The following SNTG1 variants were observed in gnomAD, a reference collection of about 807,000 sequenced individuals.
SNTG1 encodes the protein gamma-1-syntrophin.
A neutral mutation model predicts 74.7 loss-of-function variants in SNTG1; 39 were observed. The observed-to-expected ratio is 0.52, with a 90% confidence interval of 0.40 to 0.68. SNTG1 has a LOEUF of 0.68. Among genes scored for constraint, SNTG1 ranks in the 30% least tolerant of loss-of-function variants. SNTG1 has a pLI of 0.00. For missense variants in SNTG1, 685 were observed against 609.5 expected (o/e 1.12, Z -1.30); for synonymous variants, 254 against 217.1 (o/e 1.17, Z -1.49).
At chr8:50,022,109 G>A (rs1816877054) in intron 1 of SNTG1, among the ~76,000 whole-genome samples, 2 of 152,064 alleles carry the variant, frequency 1.3e-5, no homozygotes, top group South Asian at 4.1e-4. Context: ...CATTGGTATA[G>A]CAAGTATATG....
intron 11 of SNTG1, among the ~76,000 whole-genome samples, chr8:50,548,985 T>G (rs966017256): frequency 6.6e-6 from 1 of 152,124 alleles, no homozygotes; most frequent in Admixed American, 6.6e-5. Flanking sequence ...TTAACTGACT[T>G]GCAAGGACCT....
rs561234614 is a variant in SNTG1 at position 50,057,386 on chromosome 8, CT to C, written c.-102-115167del. Among the ~76,000 whole-genome samples, 421 of 152,056 alleles carry C rather than the reference CT, an allele frequency of 2.8e-3. 3 individuals carry two copies. Among genetic ancestry groups the C allele is most frequent in the African/African-American group, 9.7e-3 (403 of 41,478 alleles). The stretch of plus-strand genomic sequence containing the variant: ...AATGCCTTGGCTGAGCCTGTACATT[CT>C]TTTTTTTCTTCTTTAGAAGCTTTAC... On this transcript the variant is annotated intron_variant, in intron 1 of 18. Transcript: ENST00000642720.
At chr8:50,077,118 C>A (rs1443199055) in intron 1 of SNTG1, among the ~76,000 whole-genome samples, 1 of 152,146 alleles carries the variant, frequency 6.6e-6, no homozygotes, top group Non-Finnish European at 1.5e-5. Context: ...TGACAGACTG[C>A]AAATGCACAA....
intron 13 of SNTG1, among the ~76,000 whole-genome samples, chr8:50,642,109 C>T (rs1167531791): frequency 6.6e-6 from 1 of 152,164 alleles, no homozygotes; most frequent in African/African-American, 2.4e-5. Flanking sequence ...AAAATCCTAT[C>T]TTTTAATGGC....
At chr8:50,341,606 G>GA (rs1161273070) in intron 2 of SNTG1, among the ~76,000 whole-genome samples, 16 of 151,802 alleles carry the variant, frequency 1.1e-4, no homozygotes, top group Non-Finnish European at 2.2e-4. Flanking sequence ...TAGGAGGAAA[G>GA]AAAAAATTAC....
At chr8:49,994,250 ATTC>A (rs1217628400) in intron 1 of SNTG1, among the ~76,000 whole-genome samples, 1 of 133,646 alleles carries the variant, frequency 7.5e-6, no homozygotes, top group Non-Finnish European at 1.5e-5. Context: ...TATTATTTTT[ATTC>A]TTCTTTTTTT....
chr8:50,701,978 G>A (rs2095427661), intron 15 of SNTG1, among the ~76,000 whole-genome samples: 2 of 151,722 alleles, frequency 1.3e-5, no homozygotes, highest in Admixed American at 6.6e-5. Flanking sequence ...AGACTCCCAC[G>A]TAGCTGGAAT....
intron 2 of SNTG1, among the ~76,000 whole-genome samples, chr8:50,190,283 G>A (rs2083521572): frequency 2.0e-5 from 3 of 152,074 alleles, no homozygotes; most frequent in African/African-American, 7.2e-5. Flanking sequence ...AAATACAGCT[G>A]TTAACCATAT....
intron 1 of SNTG1, among the ~76,000 whole-genome samples, chr8:50,143,676 C>G (rs1389149910): frequency 6.6e-6 from 1 of 152,136 alleles, no homozygotes; most frequent in Non-Finnish European, 1.5e-5. Flanking sequence ...TTAGAAAGAA[C>G]CAATATGTTA....
intron 17 of SNTG1, among the ~76,000 whole-genome samples, chr8:50,723,068 A>G (rs2095491612): frequency 6.6e-6 from 1 of 152,178 alleles, no homozygotes; most frequent in Non-Finnish European, 1.5e-5. Flanking sequence ...CTTTTATGAA[A>G]ATATCCTCAG....
intron 2 of SNTG1, among the ~76,000 whole-genome samples, chr8:50,362,511 A>G (rs1034656883): frequency 8.6e-5 from 13 of 151,540 alleles, no homozygotes; most frequent in African/African-American, 2.9e-4. Flanking sequence ...CATTATAAAG[A>G]TAGTCTTTTT....
intron 15 of SNTG1, among the ~76,000 whole-genome samples, chr8:50,667,138 G>A (rs917522451): frequency 1.3e-5 from 2 of 151,954 alleles, no homozygotes. Context: ...CATGATATAA[G>A]AGTATATCGA....
rs541649948 is a variant in SNTG1, at chr8:50,285,891, A to G, written c.-27-108321A>G. ...ATAGCAAGTATAAAACATTTTCCTC[A>G]GTAACTTGAGTTATGTTGTTTTCTA... On this transcript the variant is annotated intron_variant, in intron 2 of 18. Coordinates refer to ENST00000642720, the MANE Select transcript of SNTG1 (RefSeq NM_018967.5). Among the ~76,000 whole-genome samples the G allele has an allele frequency of 2.0e-3, 310 of 151,392 alleles. 2 individuals carry two copies. Among genetic ancestry groups the G allele is most frequent in the African/African-American group, 7.0e-3 (291 of 41,400 alleles).
At chr8:50,784,132 A>T (rs2095667917) in intron 18 of SNTG1, among the ~76,000 whole-genome samples, 1 of 152,166 alleles carries the variant, frequency 6.6e-6, no homozygotes, top group South Asian at 2.1e-4. Flanking sequence ...GTAGGCTTTC[A>T]CTGATCCCGC....
chr8:50,569,533 AAAAC>A (rs199624460), intron 12 of SNTG1, among the ~76,000 whole-genome samples: 4 of 150,222 alleles, frequency 2.7e-5, no homozygotes, highest in African/African-American at 5.0e-5. Context: ...CAAAAAACAA[AAAAC>A]AAACAAAAAA....
At chr8:50,695,698 C>G (rs903228811) in intron 15 of SNTG1, among the ~76,000 whole-genome samples, 2 of 151,606 alleles carry the variant, frequency 1.3e-5, no homozygotes, top group African/African-American at 4.8e-5. Context: ...TGTTTACTTC[C>G]CATTATAAGT....
chr8:50,340,970 T>C (rs1228691175), intron 2 of SNTG1, among the ~76,000 whole-genome samples: 4 of 151,924 alleles, frequency 2.6e-5, no homozygotes, highest in Admixed American at 6.6e-5. Flanking sequence ...TACTTTTCAA[T>C]TGAGACTTAA....
chr8:50,718,597 A>G (rs188985163), intron 17 of SNTG1, among the ~76,000 whole-genome samples: 1 of 152,230 alleles, frequency 6.6e-6, no homozygotes. Context: ...GGGCAAAGGG[A>G]GAAGAGAGAA....
At chr8:50,187,775 A>G (rs2083436360) in intron 2 of SNTG1, among the ~76,000 whole-genome samples, 1 of 152,132 alleles carries the variant, frequency 6.6e-6, no homozygotes, top group South Asian at 2.1e-4. Flanking sequence ...AATTTTGCAA[A>G]AGCACTGTAA....
Sources: gnomAD v4.1 joint callset for allele counts (sites outside exome capture counted in the v4.1 genomes callset) on GRCh38, gnomAD v4.1.1 for gene constraint, MANE v1.5 for transcripts, NCBI Gene and HGNC (gene_info 2026-07-23, HGNC 2026-07-21) for gene names.